TOPAZ1: variants seen among roughly 807,000 people sequenced by gnomAD.
TOPAZ1 encodes the protein testis and ovary specific TOPAZ 1, also known as protein TOPAZ1.
Under a neutral mutation model 172.2 loss-of-function variants are expected in TOPAZ1, and 66 were observed. The ratio of observed to expected loss-of-function variants is 0.38; its 90% confidence interval spans 0.31 to 0.47. TOPAZ1 has a LOEUF of 0.47. Ranked by LOEUF, TOPAZ1 falls within the 20% of genes least tolerant of loss-of-function variation. The pLI is 0.99. For synonymous variants in TOPAZ1, 681 were observed against 683.9 expected, an observed-to-expected ratio of 1.00 and a Z score of 0.07; for missense variants, 1,822 against 1,972.4, an observed-to-expected ratio of 0.92 and a Z score of 1.44.
chr3:44,302,466 C>T (rs1700283126), intron 12 of TOPAZ1, among the ~76,000 whole-genome samples: 1 of 152,168 alleles, frequency 6.6e-6, no homozygotes, highest in Non-Finnish European at 1.5e-5. Flanking sequence ...ATTTGAGATG[C>T]CACCTTCATC....
At chr3:44,309,131 G>T (rs1364591826) in intron 15 of TOPAZ1, among the ~76,000 whole-genome samples, 1 of 152,222 alleles carries the variant, frequency 6.6e-6, no homozygotes, top group Non-Finnish European at 1.5e-5. Flanking sequence ...TACAGGAAAA[G>T]CTTGCTGGCT....
intron 16 of TOPAZ1, among the ~76,000 whole-genome samples, chr3:44,317,671 C>T (rs1055391980): frequency 6.6e-6 from 1 of 152,048 alleles, no homozygotes; most frequent in Non-Finnish European, 1.5e-5. Context: ...ATATGCTCTC[C>T]CTTTGATTCT....
intron 18 of TOPAZ1, among the ~76,000 whole-genome samples, chr3:44,325,912 C>T (rs1371829025): frequency 1.3e-5 from 2 of 152,062 alleles, no homozygotes; most frequent in African/African-American, 2.4e-5. Context: ...CAAAATGCTG[C>T]GATTACATGC....
At position 44,244,150 on chromosome 3, in the gene TOPAZ1, A is replaced by T. The variant is rs1342850723; in HGVS notation, c.1644A>T (p.Leu548Phe). ...ATTTAACTGACTCCAAATTATTATT[A>T]CAAAGTTCCTTAACAGAAACAAACA... Reference protein sequence around the residue: ...QTHLTDSKLLLQSSLTETNTE... With the variant: ...QTHLTDSKLLFQSSLTETNTE... Residue 548 changes from leucine (L) to phenylalanine (F), a missense_variant, in exon 2 of 20, where the codon TTA (leucine) becomes TTT (phenylalanine). Physicochemically the swap from Leu to Phe is conservative, Grantham distance 22 (BLOSUM62 0). This residue lies in a region of TOPAZ1 where 1,489 missense variants were observed against 1,490.8 expected (regional missense o/e 1.00). Coordinates refer to ENST00000309765, the MANE Select transcript of TOPAZ1 (RefSeq NM_001145030.2). 1.0e-5 allele frequency: 16 copies of T among 1,551,420 alleles called. No homozygotes were observed. The highest frequency in any genetic ancestry group is 1.3e-5 in the Non-Finnish European group (15 of 1,146,820).
Position 44,242,210 on chromosome 3 carries a change from G to T in TOPAZ1, c.157G>T (p.Val53Leu), listed in dbSNP as rs1213083157. The change falls in exon 1 of 20, where the codon GTG (valine) becomes TTG (leucine). Residue 53 changes from valine to leucine, a missense_variant. Coordinates refer to ENST00000309765, the MANE Select transcript of TOPAZ1 (RefSeq NM_001145030.2). ...CRENKQKRRMVARATPGRGEV... is the reference protein window; with the variant it reads ...CRENKQKRRMLARATPGRGEV... Reference sequence around the variant, plus strand: ...GGAAAATAAGCAAAAGAGGAGAATGGTGGCCCGGGCCACCCCTGGGAGAGG... The same window carrying T: ...GGAAAATAAGCAAAAGAGGAGAATGTTGGCCCGGGCCACCCCTGGGAGAGG... 6.5e-7 allele frequency: 1 copy of T among 1,545,284 alleles called. No individual in the cohort carries two copies. Among genetic ancestry groups the T allele is most frequent in the Non-Finnish European group, 8.7e-7 (1 of 1,145,152 alleles).
At chr3:44,327,742 TTTTTTG>T (rs1187179195) in intron 18 of TOPAZ1, among the ~76,000 whole-genome samples, 1 of 152,088 alleles carries the variant, frequency 6.6e-6, no homozygotes. Flanking sequence ...GTTTCTCACT[TTTTTTG>T]TTTTTGTTTT....
chr3:44,295,168 A>T (rs963648709), intron 12 of TOPAZ1, among the ~76,000 whole-genome samples: 1 of 152,092 alleles, frequency 6.6e-6, no homozygotes, highest in Non-Finnish European at 1.5e-5. Context: ...TGTTGCTCTA[A>T]TGCACTTACC....
chr3:44,244,718 A>G lies in TOPAZ1; in HGVS notation c.2212A>G (p.Met738Val), dbSNP rs72868354. The change falls in exon 2 of 20, where the codon ATG (methionine) becomes GTG (valine). Residue 738 changes from methionine (M) to valine (V), a missense_variant. By Grantham distance (21) the Met-to-Val change is conservative. This residue lies in a region of TOPAZ1 where 1,489 missense variants were observed against 1,490.8 expected (regional missense o/e 1.00). Coordinates refer to ENST00000309765, the MANE Select transcript of TOPAZ1 (RefSeq NM_001145030.2). The part of the protein sequence containing the change: ...QNRSKENVSM[M>V]MLGPQTLSIR... ...CAGGAGTAAAGAAAATGTCTCCATG[A>G]TGATGTTAGGACCTCAAACTTTGAG... is the stretch of plus-strand genomic sequence containing the variant. 13 of 1,551,500 alleles carry G rather than the reference A, an allele frequency of 8.4e-6. No individual in the cohort carries two copies. Among genetic ancestry groups the G allele is most frequent in the African/African-American group, 1.4e-5 (1 of 73,172 alleles).
At chr3:44,271,782 A>T (rs921143649) in intron 8 of TOPAZ1, among the ~76,000 whole-genome samples, 1 of 152,166 alleles carries the variant, frequency 6.6e-6, no homozygotes, top group Non-Finnish European at 1.5e-5. Context: ...ACTCTTAGCA[A>T]TTATGAAATG....
intron 2 of TOPAZ1, among the ~76,000 whole-genome samples, chr3:44,251,199 C>T (rs942605358): frequency 3.3e-5 from 5 of 152,136 alleles, no homozygotes; most frequent in African/African-American, 1.2e-4. Context: ...TGGCTCACTG[C>T]AGCCTCTACC....
downstream of TOPAZ1, among the ~76,000 whole-genome samples, chr3:44,335,307 T>C (rs920869885): frequency 2.0e-5 from 3 of 152,122 alleles, no homozygotes; most frequent in Non-Finnish European, 2.9e-5. Context: ...ATCCCTGGCA[T>C]ACTAGGTCTA....
intron 8 of TOPAZ1, among the ~76,000 whole-genome samples, chr3:44,277,879 C>T (rs2125689415): frequency 6.6e-6 from 1 of 152,290 alleles, no homozygotes; most frequent in South Asian, 2.1e-4. Flanking sequence ...TAAACTTCCT[C>T]AGGCCTCCCT....
In TOPAZ1 at chr3:44,290,671, T is replaced by G; in HGVS notation, c.3682-100T>G. ...GTTTTATTCCACTTGTCTCCATGTT[T>G]CACTTCTTCCATTAGTGTCTTAGTT... On this transcript the variant is annotated intron_variant, in intron 11 of 19. Transcript: ENST00000309765. The G allele has an allele frequency of 4.5e-6, 3 of 670,824 alleles. No individual in the cohort carries two copies. In the South Asian group the frequency reaches 5.7e-5, roughly 13 times the overall value. The allele number at this position is 670,824 out of a possible 1,614,324, so 41.6% of individuals were successfully genotyped here.
rs374443327 is a variant in TOPAZ1, at chr3:44,244,662, A to G, written c.2156A>G (p.Asp719Gly). 416 of 1,551,268 alleles carry G rather than the reference A, an allele frequency of 2.7e-4. No homozygotes were observed. Among genetic ancestry groups the G allele is most frequent in the Non-Finnish European group, 3.4e-4 (395 of 1,146,962 alleles). Residue 719 changes from aspartate to glycine, a missense_variant, in exon 2 of 20, where the codon GAC (aspartate) becomes GGC (glycine). This residue lies in a region of TOPAZ1 where 1,489 missense variants were observed against 1,490.8 expected (regional missense o/e 1.00). Transcript: ENST00000309765. ...REAYSPLELL[D>G]NLSGADVRQN... ...GCTTACAGTCCTCTAGAACTTCTGG[A>G]CAATTTATCTGGAGCAGACGTAAGA...
At chr3:44,280,485 G>C (rs970336773) in intron 8 of TOPAZ1, among the ~76,000 whole-genome samples, 4 of 151,840 alleles carry the variant, frequency 2.6e-5, no homozygotes, top group African/African-American at 9.7e-5. Context: ...AAGTAGCTGG[G>C]ACTACAGGCA....
chr3:44,312,248 A>G (rs569341139), intron 16 of TOPAZ1, among the ~76,000 whole-genome samples: 6 of 151,528 alleles, frequency 4.0e-5, no homozygotes, highest in Non-Finnish European at 8.8e-5. Context: ...AAAAAAAAAA[A>G]CACAGGAATG....
At chr3:44,266,644 A>G (rs1181166972) in intron 5 of TOPAZ1, among the ~76,000 whole-genome samples, 1 of 152,204 alleles carries the variant, frequency 6.6e-6, no homozygotes, top group Admixed American at 6.5e-5. Flanking sequence ...CACATCATTC[A>G]TTGATTAAGT....
chr3:44,316,601 G>T (rs1700454307), intron 16 of TOPAZ1, among the ~76,000 whole-genome samples: 1 of 151,012 alleles, frequency 6.6e-6, no homozygotes, highest in Non-Finnish European at 1.5e-5. Context: ...GTTTTCTTTT[G>T]CCTACTGACA....
intron 12 of TOPAZ1, among the ~76,000 whole-genome samples, chr3:44,291,257 C>T (rs1307373079): frequency 6.6e-6 from 1 of 151,606 alleles, no homozygotes; most frequent in African/African-American, 2.4e-5. Flanking sequence ...TACTTTAGTG[C>T]CCCTCCCTTA....
Sources: gnomAD v4.1 joint callset for allele counts (sites outside exome capture counted in the v4.1 genomes callset) on GRCh38, gnomAD v4.1.1 for gene constraint, gnomAD v4.1.1 regional missense constraint, MANE v1.5 for transcripts, NCBI Gene and HGNC (gene_info 2026-07-23, HGNC 2026-07-21) for gene names.